ARHGEF2: variants seen among roughly 807,000 people sequenced by gnomAD.
ARHGEF2 encodes the protein rho guanine nucleotide exchange factor 2.
Under a neutral mutation model 121.0 loss-of-function variants are expected in ARHGEF2, and 22 were observed. The ratio of observed to expected loss-of-function variants is 0.18; its 90% CI spans 0.13 to 0.26. The LOEUF (loss-of-function observed/expected upper bound fraction) is 0.26, where lower values mean the gene tolerates loss of function less well. Among genes scored for constraint, ARHGEF2 ranks in the 10% least tolerant of loss-of-function variants. The probability of loss-of-function intolerance (pLI) is 1.00; values close to 1 mark genes in which losing one functional copy is unlikely to be tolerated. For missense variants in ARHGEF2, 907 were observed against 1,336.0 expected (o/e 0.68, Z 5.01); for synonymous variants, 487 against 530.0 (o/e 0.92, Z 1.11).
At chr1:155,968,078 G>T in intron 2 of ARHGEF2, 1 of 152,118 alleles carries the variant, frequency 6.6e-6, no homozygotes. Context: ...CTGGCAACAA[G>T]CTTCCGGATT....
intron 2 of ARHGEF2, among the ~76,000 whole-genome samples, chr1:155,967,338 A>G (rs950221160): frequency 5.3e-5 from 8 of 152,230 alleles, no homozygotes; most frequent in African/African-American, 1.7e-4. Flanking sequence ...ATAATAGTAA[A>G]TGTTCCACAT....
intron 16 of ARHGEF2, 30 bp downstream of exon 16, chr1:155,952,083 CCTA>C: frequency 6.2e-7 from 1 of 1,614,138 alleles, no homozygotes; most frequent in South Asian, 1.1e-5. Flanking sequence ...GCCCCTCCCA[CCTA>C]CTACCTTGGT....
In ARHGEF2 at chr1:155,965,486, C is replaced by T. The variant is rs1160526087; in HGVS notation, c.471-74G>A. ...CCCTTCCCAGGTAGGGAACCAAAGCCAGGATCCAAGAGGCGGTCCCCCTAA... is the reference window on the plus strand; with the variant it reads ...CCCTTCCCAGGTAGGGAACCAAAGCTAGGATCCAAGAGGCGGTCCCCCTAA... On this transcript the variant is annotated intron_variant, in intron 5 of 21. Transcript: ENST00000361247. This position sits in a 1 kb window ranked among gnomAD's most constrained non-coding sequence, Gnocchi z 6.0. 1.3e-6 allele frequency: 2 copies of T among 1,599,768 alleles called. No individual in the cohort carries two copies. Among genetic ancestry groups the T allele is most frequent in the African/African-American group, 1.3e-5 (1 of 74,582 alleles).
In ARHGEF2 at chr1:155,960,468, T is replaced by TAA. The variant is rs1248773492; in HGVS notation, c.1468+1191_1468+1192dup. On this transcript the variant is annotated intron_variant, in intron 11 of 21. Transcript: ENST00000361247. ...GAGCAGCAAAGCGAGACCCTGTTTC[T>TAA]AAAAAAAAAAAAAAAGAGAGAGAAA... Among the ~76,000 whole-genome samples, 5 of 77,946 alleles carry TAA rather than the reference T, an allele frequency of 6.4e-5. No homozygotes were observed. In the East Asian group the frequency reaches 1.2e-3, roughly 18 times the overall value. The allele number at this position is 77,946 out of a possible 152,430, so 51.1% of individuals were successfully genotyped here.
chr1:155,961,727 G>A lies in ARHGEF2; in HGVS notation c.1402C>T (p.Leu468Phe), dbSNP rs781500973. The A allele has an allele frequency of 1.2e-6, 2 of 1,614,190 alleles. No individual in the cohort carries two copies. The highest frequency in any genetic ancestry group is 2.7e-5 in the African/African-American group (2 of 75,058). ...PGKGPFGREE[L>F]LRRKLIHDGC... is the part of the protein sequence containing the mutation. ...TCGTGGATGAGTTTGCGCCTCAGAA[G>A]TTCCTCTCGGCCAAAGGGGCCCTTG... The change falls in exon 11 of 22, where the codon CTT becomes TTT. Residue 468 changes from leucine to phenylalanine, a missense_variant. Physicochemically the swap from Leu to Phe is conservative, Grantham distance 22. Coordinates refer to ENST00000361247, the MANE Select transcript of ARHGEF2 (RefSeq NM_001162383.2). This position sits in a 1 kb window ranked among gnomAD's most constrained non-coding sequence, Gnocchi z 4.7.
At position 155,951,701 on chromosome 1, in the gene ARHGEF2, TCCTC is replaced by T. The variant is rs1295242872; in HGVS notation, c.2208+36_2208+39del. 1 of 1,613,456 alleles carries T rather than the reference TCCTC, an allele frequency of 6.2e-7. No homozygotes were observed. The highest frequency in any genetic ancestry group is 8.5e-7 in the Non-Finnish European group (1 of 1,179,594). On this transcript the variant is annotated intron_variant, in intron 18 of 21. Transcript: ENST00000361247. The surrounding 1 kb of genome is among the most constrained non-coding windows in gnomAD (Gnocchi z 5.1). ...GCTCTAACTACTCAGACTAAGAACA[TCCTC>T]CCTTCAGTCTCCTATACCATCAATT...
chr1:155,952,886 G>A, intron 14 of ARHGEF2, 58 bp from the exon 15 acceptor site: 2 of 1,549,884 alleles, frequency 1.3e-6, no homozygotes, highest in Non-Finnish European at 1.8e-6. Context: ...AAGAGCGCCA[G>A]TAGAGGACAG....
At chr1:155,974,066 T>C (rs1680918165) in intron 1 of ARHGEF2, among the ~76,000 whole-genome samples, 1 of 152,064 alleles carries the variant, frequency 6.6e-6, no homozygotes, top group African/African-American at 2.4e-5. Flanking sequence ...TTAATGTTTT[T>C]GTAGAGATGA....
At chr1:155,960,536 G>A (rs772473909) in intron 11 of ARHGEF2, among the ~76,000 whole-genome samples, 5 of 151,654 alleles carry the variant, frequency 3.3e-5, no homozygotes, top group Non-Finnish European at 5.9e-5. Flanking sequence ...ACTAAACTGT[G>A]GGCACACAGA....
At chr1:155,979,422 T>C (rs1210413103), upstream of ARHGEF2, 2 of 756,204 alleles carry the variant, frequency 2.6e-6, no homozygotes, top group African/African-American at 1.9e-5. Context: ...TTCATCTCTC[T>C]GGACCCTTTT....
rs1681755491 is a variant in ARHGEF2, at chr1:155,978,508, G to A, written c.-81C>T. 4 of 1,329,616 alleles carry A rather than the reference G, an allele frequency of 3.0e-6. No individual in the cohort carries two copies. Among genetic ancestry groups the A allele is most frequent in the Non-Finnish European group, 1.9e-6 (2 of 1,026,526 alleles). The allele number at this position is 1,329,616 out of a possible 1,614,324, so 82.4% of individuals were successfully genotyped here. A position where few individuals can be genotyped will look rare whatever the true frequency, so the allele number is the denominator to read the frequency against. On this transcript the variant is annotated 5_prime_UTR_variant, in exon 1 of 22. Coordinates refer to ENST00000361247, the MANE Select transcript of ARHGEF2 (RefSeq NM_001162383.2). The surrounding 1 kb of genome is among the most constrained non-coding windows in gnomAD (Gnocchi z 4.1). ...TGGGGGAAGGCGGGGGGAGGGGTTC[G>A]GCCCGCACGCGTTGGTCTCGGGGAC... is the stretch of plus-strand genomic sequence containing the variant.
intron 3 of ARHGEF2, 67 bp from the exon 4 acceptor site, chr1:155,966,546 A>G: frequency 6.4e-7 from 1 of 1,563,376 alleles, no homozygotes; most frequent in Non-Finnish European, 8.8e-7. Context: ...CCCCAGAGGC[A>G]TGGGACAGGA....
intron 13 of ARHGEF2, 52 bp downstream of exon 13, chr1:155,957,661 C>T: frequency 1.9e-6 from 3 of 1,550,936 alleles, no homozygotes; most frequent in Non-Finnish European, 2.6e-6. Flanking sequence ...GGATCTAATG[C>T]TGCAGGTACC....
At position 155,951,157 on chromosome 1, in the gene ARHGEF2, GC is replaced by G; in HGVS notation, c.2374del (p.Ala792LeufsTer33). 6.2e-7 allele frequency: 1 copy of G among 1,604,180 alleles called. No individual in the cohort carries two copies. On this transcript the variant is annotated frameshift_variant, in exon 20 of 22. Transcript: ENST00000361247. LOFTEE classifies it high-confidence loss of function. The surrounding 1 kb of genome is among the most constrained non-coding windows in gnomAD (Gnocchi z 5.1). ...SRDGEAGRAG[A>X]APVAPEKQAT... ...CTGCTTTTCAGGGGCCACAGGGGCAGCCCCAGCCCTGCCAGCCTCCCCATCC... is the reference window on the plus strand; with the variant it reads ...CTGCTTTTCAGGGGCCACAGGGGCAGCCCAGCCCTGCCAGCCTCCCCATCC...
In ARHGEF2 at chr1:155,964,163, AAAAAATATATATATATATAT is replaced by A. The variant is rs1373232482; in HGVS notation, c.724+805_724+824del. On this transcript the variant is annotated intron_variant, in intron 7 of 21. Coordinates refer to ENST00000361247, the MANE Select transcript of ARHGEF2 (RefSeq NM_001162383.2). ...CTGCTTCAAAAAAAAAAAAAAAAAA[AAAAAATATATATATATATAT>A]ATATATATATATATACATATATATA... 1.4e-4 allele frequency among the ~76,000 whole-genome samples: 12 copies of A among 85,504 alleles called. 1 individual carries two copies. Among genetic ancestry groups the A allele is most frequent in the African/African-American group, 7.1e-4 (12 of 16,918 alleles). The allele number at this position is 85,504 out of a possible 152,430, so 56.1% of individuals were successfully genotyped here. A position where few individuals can be genotyped will look rare whatever the true frequency, so the allele number is the denominator to read the frequency against.
chr1:155,975,561 A>AC (rs764774465), intron 1 of ARHGEF2, among the ~76,000 whole-genome samples: 45 of 150,646 alleles, frequency 3.0e-4, no homozygotes, highest in Middle Eastern at 3.4e-3. Context: ...CACCAGGAGG[A>AC]CCCCCCATTC....
chr1:155,975,281 C>G (rs577447663), intron 1 of ARHGEF2, among the ~76,000 whole-genome samples: 8 of 152,224 alleles, frequency 5.3e-5, no homozygotes, highest in African/African-American at 1.9e-4. Flanking sequence ...AACATGCACA[C>G]AGGGGATGCA....
intron 13 of ARHGEF2, among the ~76,000 whole-genome samples, 182 bp from the exon 14 acceptor site, chr1:155,955,151 G>A (rs543752358): frequency 1.3e-5 from 2 of 150,308 alleles, no homozygotes; most frequent in South Asian, 4.2e-4. Flanking sequence ...TTTTTGAGAC[G>A]GAGTCTTACT....
At chr1:155,956,127 T>A (rs1353264000) in intron 13 of ARHGEF2, among the ~76,000 whole-genome samples, 1 of 151,884 alleles carries the variant, frequency 6.6e-6, no homozygotes, top group Non-Finnish European at 1.5e-5. Context: ...GGAGATGGAG[T>A]CTCACTCTGT....
Sources: gnomAD v4.1 joint callset for allele counts (sites outside exome capture counted in the v4.1 genomes callset) on GRCh38, gnomAD v4.1.1 for gene constraint, Gnocchi (gnomAD v3.1) non-coding constraint, MANE v1.5 for transcripts, NCBI Gene and HGNC (gene_info 2026-07-23, HGNC 2026-07-21) for gene names.